The following MYO3A variants were observed in gnomAD, a reference collection of about 807,000 sequenced individuals.
MYO3A encodes the protein myosin-IIIa.
MYO3A carries 180 observed loss-of-function variants against 192.7 expected under a neutral mutation model. The observed-to-expected ratio is 0.93, with a 90% CI of 0.83 to 1.06. The LOEUF (loss-of-function observed/expected upper bound fraction) is 1.06, where lower values mean the gene tolerates loss of function less well. Among genes scored for constraint, MYO3A ranks in the 50% least tolerant of loss-of-function variants. The pLI is 0.00. For synonymous variants in MYO3A, 628 were observed against 645.3 expected (o/e 0.97, Z 0.41); for missense variants, 1,896 against 1,905.0 (o/e 1.00, Z 0.09).
intron 17 of MYO3A, among the ~76,000 whole-genome samples, chr10:26,097,888 ATG>A (rs1837153196): frequency 6.6e-6 from 1 of 152,090 alleles, no homozygotes; most frequent in South Asian, 2.1e-4. Context: ...ATGCAAACAT[ATG>A]TGTGCATGTG....
At chr10:26,201,400 GC>G in intron 33 of MYO3A, 95 bp downstream of exon 33, 2 of 945,476 alleles carry the variant, frequency 2.1e-6, no homozygotes, top group South Asian at 1.6e-5. Flanking sequence ...CCTATTTTAG[GC>G]CAGGCGCGGT....
chr10:26,137,531 A>G (rs529095622), intron 20 of MYO3A, among the ~76,000 whole-genome samples: 2 of 152,350 alleles, frequency 1.3e-5, no homozygotes, highest in African/African-American at 2.4e-5. Context: ...TTTGAACAAT[A>G]TGAAATCAGT....
At chr10:26,032,277 G>A (rs1370954105) in intron 10 of MYO3A, among the ~76,000 whole-genome samples, 2 of 152,162 alleles carry the variant, frequency 1.3e-5, no homozygotes, top group East Asian at 3.8e-4. Flanking sequence ...ATATGTGGAA[G>A]GATTAACAAA....
chr10:26,049,365 T>TATG (rs1843832698), intron 10 of MYO3A, among the ~76,000 whole-genome samples: 1 of 152,062 alleles, frequency 6.6e-6, no homozygotes. Flanking sequence ...AAATAGGGAA[T>TATG]ATGAACTCCT....
chr10:26,023,604 G>T, intron 8 of MYO3A: 1 of 217,486 alleles, frequency 4.6e-6, no homozygotes, highest in Admixed American at 5.2e-5. Context: ...GCGACTCCCT[G>T]GCACACCTTC....
chr10:26,019,442 T>C (rs932934374), intron 7 of MYO3A, among the ~76,000 whole-genome samples: 6 of 151,996 alleles, frequency 3.9e-5, no homozygotes, highest in African/African-American at 1.4e-4. Context: ...ATATTTTTAG[T>C]AGAGACTGGA....
chr10:25,982,748 A>G (rs968634045), intron 4 of MYO3A, among the ~76,000 whole-genome samples: 1 of 152,206 alleles, frequency 6.6e-6, no homozygotes, highest in East Asian at 1.9e-4. Flanking sequence ...AATGGAGAGA[A>G]CACCATATCA....
At chr10:26,187,831 T>G (rs1371111135) in intron 31 of MYO3A, among the ~76,000 whole-genome samples, 1 of 152,160 alleles carries the variant, frequency 6.6e-6, no homozygotes, top group Non-Finnish European at 1.5e-5. Context: ...TCATCATTTT[T>G]TGTGGCTGCA....
intron 2 of MYO3A, among the ~76,000 whole-genome samples, chr10:25,943,100 C>T (rs1199721637): frequency 2.0e-5 from 3 of 151,836 alleles, no homozygotes; most frequent in African/African-American, 7.3e-5. Context: ...AGTCTTTGAT[C>T]TATTTTGAGT....
intron 10 of MYO3A, among the ~76,000 whole-genome samples, chr10:26,061,708 G>T (rs899705822): frequency 6.6e-6 from 1 of 152,126 alleles, no homozygotes; most frequent in Non-Finnish European, 1.5e-5. Context: ...GTTTTTGACG[G>T]CTAATACCAA....
rs545141524 is a variant in MYO3A, at chr10:26,125,127, C to A, written c.1904-271C>A. On this transcript the variant is annotated intron_variant, in intron 18 of 34. Transcript: ENST00000642920. ...ATTTGACATCACATAAACAACCACT[C>A]GCTTATGCAGCTGTATTACTCTGCC... Among the ~76,000 whole-genome samples the A allele has an allele frequency of 7.9e-5, 12 of 152,258 alleles. No individual in the cohort carries two copies. In the South Asian group the frequency reaches 2.3e-3, roughly 29 times the overall value.
At chr10:26,211,753 G>A in intron 34 of MYO3A, 90 bp from the exon 35 acceptor site, 1 of 1,582,416 alleles carries the variant, frequency 6.3e-7, no homozygotes, top group Non-Finnish European at 8.6e-7. Context: ...CAGAACGTGG[G>A]AGGAAGAGGA....
intron 20 of MYO3A, among the ~76,000 whole-genome samples, chr10:26,134,347 A>C (rs1480257006): frequency 6.6e-6 from 1 of 152,204 alleles, no homozygotes; most frequent in Non-Finnish European, 1.5e-5. Flanking sequence ...TGCTATTAAC[A>C]TTAACATAAA....
chr10:25,939,346 C>A (rs937560985), intron 2 of MYO3A, among the ~76,000 whole-genome samples: 1 of 151,416 alleles, frequency 6.6e-6, no homozygotes, highest in Non-Finnish European at 1.5e-5. Flanking sequence ...TCTTTTTTTC[C>A]TGTAATGTTT....
chr10:25,934,421 C>G (rs1835902952), intron 1 of MYO3A, 93 bp downstream of exon 1: 1 of 152,288 alleles, frequency 6.6e-6, no homozygotes, highest in Non-Finnish European at 1.5e-5. Context: ...TCCTTGGACC[C>G]CGGGGCTTGC....
intron 9 of MYO3A, 142 bp from the exon 10 acceptor site, chr10:26,026,235 T>A: frequency 1.0e-6 from 1 of 966,404 alleles, no homozygotes. Context: ...GATTAAAAAT[T>A]GCAATTAATA....
intron 2 of MYO3A, among the ~76,000 whole-genome samples, chr10:25,936,436 C>T (rs1223702055): frequency 6.6e-6 from 1 of 152,026 alleles, no homozygotes; most frequent in Non-Finnish European, 1.5e-5. Context: ...AGTGTTATTT[C>T]CAGCTGCGTT....
intron 2 of MYO3A, among the ~76,000 whole-genome samples, chr10:25,945,042 TAGC>T (rs1289393820): frequency 6.6e-6 from 1 of 152,058 alleles, no homozygotes; most frequent in Non-Finnish European, 1.5e-5. Context: ...ATTTATCTCT[TAGC>T]AGTACTTTTG....
In MYO3A at chr10:26,074,503, G is replaced by T. The variant is rs1008662229; in HGVS notation, c.1359+4102G>T. On this transcript the variant is annotated intron_variant, in intron 14 of 34. Transcript: ENST00000642920. ...TCTGATTTTCTGTTCTGCTCCTTTG[G>T]CCTTAGTGTCTGTTCATGCACCAGT... Among the ~76,000 whole-genome samples the T allele has an allele frequency of 2.0e-5, 3 of 150,138 alleles. No individual in the cohort carries two copies. The Admixed American group carries it at 2.0e-4, about 10-fold the overall frequency.
Sources: gnomAD v4.1 joint callset for allele counts (sites outside exome capture counted in the v4.1 genomes callset) on GRCh38, gnomAD v4.1.1 for gene constraint, MANE v1.5 for transcripts, NCBI Gene and HGNC (gene_info 2026-07-23, HGNC 2026-07-21) for gene names.